The following PTPN1 variants were observed in gnomAD, a reference collection of about 807,000 sequenced individuals.
PTPN1 encodes tyrosine-protein phosphatase non-receptor type 1.
A neutral mutation model predicts 59.9 loss-of-function variants in PTPN1; 12 were observed. That is an observed-to-expected ratio of 0.20 (90% CI 0.13 to 0.32). PTPN1 has a LOEUF of 0.32. Among genes scored for constraint, PTPN1 ranks in the 10% least tolerant of loss-of-function variants. The probability of loss-of-function intolerance (pLI) is 1.00; values close to 1 mark genes in which losing one functional copy is unlikely to be tolerated. For synonymous variants in PTPN1, 178 were observed against 203.6 expected (o/e 0.87, Z 1.07); for missense variants, 356 against 549.2 (o/e 0.65, Z 3.52).
chr20:50,576,006 G>A (rs567555608), intron 5 of PTPN1, among the ~76,000 whole-genome samples: 63 of 152,286 alleles, frequency 4.1e-4, no homozygotes, highest in African/African-American at 1.4e-3. Flanking sequence ...CAAGGGGTTC[G>A]GGCTGCCTGG....
chr20:50,523,101 C>G (rs1162524882), intron 1 of PTPN1, among the ~76,000 whole-genome samples: 1 of 152,004 alleles, frequency 6.6e-6, no homozygotes, highest in Non-Finnish European at 1.5e-5. Context: ...GCCTTACCGT[C>G]TCAGATCAGG....
At chr20:50,537,345 A>AATT (rs2082628440) in intron 1 of PTPN1, among the ~76,000 whole-genome samples, 1 of 152,198 alleles carries the variant, frequency 6.6e-6, no homozygotes, top group African/African-American at 2.4e-5. Flanking sequence ...TAATAATAAT[A>AATT]AATAAACTTT....
chr20:50,540,947 A>T (rs1348313335), intron 1 of PTPN1, among the ~76,000 whole-genome samples: 2 of 152,156 alleles, frequency 1.3e-5, no homozygotes, highest in Non-Finnish European at 2.9e-5. Context: ...AACCTTCTTG[A>T]TATCCTAGCC....
chr20:50,547,697 A>G (rs917761252), intron 1 of PTPN1, among the ~76,000 whole-genome samples: 4 of 152,212 alleles, frequency 2.6e-5, no homozygotes. Flanking sequence ...CACTATGTCA[A>G]TATGTTGCTT....
intron 1 of PTPN1, among the ~76,000 whole-genome samples, chr20:50,552,622 A>G (rs554522380): frequency 6.6e-6 from 1 of 152,140 alleles, no homozygotes; most frequent in African/African-American, 2.4e-5. Context: ...TGAGCCCAGG[A>G]GTTTGAGACC....
chr20:50,562,052 T>C (rs1429704898), intron 2 of PTPN1, among the ~76,000 whole-genome samples: 1 of 152,238 alleles, frequency 6.6e-6, no homozygotes, highest in Non-Finnish European at 1.5e-5. Context: ...AGCTGAAAAG[T>C]AAATAACTTA....
chr20:50,556,460 G>T (rs561274805), intron 1 of PTPN1, among the ~76,000 whole-genome samples: 28 of 152,158 alleles, frequency 1.8e-4, no homozygotes, highest in African/African-American at 6.7e-4. Context: ...AAAGTGCTGG[G>T]ATTACAGATG....
intron 1 of PTPN1, among the ~76,000 whole-genome samples, chr20:50,533,467 C>CA (rs1445595222): frequency 1.3e-5 from 2 of 149,918 alleles, no homozygotes; most frequent in African/African-American, 2.5e-5. Flanking sequence ...AGCCTGGATG[C>CA]ACTCAGCCTG....
chr20:50,512,868 G>A (rs2082513341), intron 1 of PTPN1, among the ~76,000 whole-genome samples: 1 of 152,140 alleles, frequency 6.6e-6, no homozygotes, highest in South Asian at 2.1e-4. Flanking sequence ...ATAGAAAATG[G>A]AAGTTTAAAA....
At chr20:50,569,201 C>T (rs181640899) in intron 4 of PTPN1, among the ~76,000 whole-genome samples, 6 of 152,312 alleles carry the variant, frequency 3.9e-5, no homozygotes, top group Admixed American at 6.5e-5. Flanking sequence ...AACCCTTGTG[C>T]GGTTCCCTTT....
chr20:50,510,443 C>G lies in PTPN1; in HGVS notation c.-85C>G. 6.9e-7 allele frequency: 1 copy of G among 1,459,414 alleles called. No homozygotes were observed. The highest frequency in any genetic ancestry group is 1.4e-5 in the African/African-American group (1 of 69,448). 90.4% of individuals were successfully genotyped at this position (1,459,414 alleles called of 1,614,324 possible). ...GCAGGGGTCGGGGATTGCAGCGGGC[C>G]TCGGGGCTAAGAGCGCGACGCGGCC... On this transcript the variant is annotated 5_prime_UTR_variant, in exon 1 of 10. Coordinates refer to ENST00000371621, the MANE Select transcript of PTPN1 (RefSeq NM_002827.4).
chr20:50,542,420 T>A (rs1188857161), intron 1 of PTPN1, among the ~76,000 whole-genome samples: 1 of 152,218 alleles, frequency 6.6e-6, no homozygotes, highest in Non-Finnish European at 1.5e-5. Flanking sequence ...CATGAAAATC[T>A]GACTAGATTT....
intron 1 of PTPN1, chr20:50,557,588 A>C (rs2082731362): frequency 6.6e-6 from 1 of 152,214 alleles, no homozygotes; most frequent in Non-Finnish European, 1.5e-5. Flanking sequence ...AGTCACAGAT[A>C]GTATTGTACT....
At chr20:50,571,373 A>C (rs757482071) in intron 4 of PTPN1, 3 of 152,232 alleles carry the variant, frequency 2.0e-5, no homozygotes, top group African/African-American at 4.8e-5. Context: ...CATGAAAAGC[A>C]ATGTATGGTT....
At chr20:50,564,874 C>T in intron 2 of PTPN1, 95 bp from the exon 3 acceptor site, 2 of 1,558,010 alleles carry the variant, frequency 1.3e-6, no homozygotes, top group Admixed American at 4.3e-5. Flanking sequence ...CCACTAATGC[C>T]ACCAACTCAC....
chr20:50,575,213 G>A (rs2082829963), intron 5 of PTPN1, among the ~76,000 whole-genome samples: 1 of 152,242 alleles, frequency 6.6e-6, no homozygotes, highest in Non-Finnish European at 1.5e-5. Flanking sequence ...CTGGGGCTTT[G>A]GAATAATTCC....
chr20:50,513,020 T>G (rs1411546511), intron 1 of PTPN1, among the ~76,000 whole-genome samples: 1 of 152,218 alleles, frequency 6.6e-6, no homozygotes, highest in Non-Finnish European at 1.5e-5. Flanking sequence ...TAACTTATTT[T>G]CTGATTAGAA....
At chr20:50,521,711 A>T (rs913032095) in intron 1 of PTPN1, among the ~76,000 whole-genome samples, 32 of 152,234 alleles carry the variant, frequency 2.1e-4, no homozygotes, top group Non-Finnish European at 5.9e-5. Flanking sequence ...AATGCTTTTT[A>T]AAAAAGAGAA....
At chr20:50,524,416 C>G (rs529270959) in intron 1 of PTPN1, among the ~76,000 whole-genome samples, 1 of 152,022 alleles carries the variant, frequency 6.6e-6, no homozygotes, top group South Asian at 2.1e-4. Flanking sequence ...AAAGAATCTT[C>G]AAGTTTTAGC....
Sources: gnomAD v4.1 joint callset for allele counts (sites outside exome capture counted in the v4.1 genomes callset) on GRCh38, gnomAD v4.1.1 for gene constraint, MANE v1.5 for transcripts, NCBI Gene and HGNC (gene_info 2026-07-23, HGNC 2026-07-21) for gene names.